Variants in LRRK1 observed in about 807,000 individuals in gnomAD.
LRRK1 encodes leucine rich repeat kinase 1, also known as leucine-rich repeat serine/threonine-protein kinase 1.
Under a neutral mutation model 209.1 loss-of-function variants are expected in LRRK1, and 113 were observed. That is an observed-to-expected ratio of 0.54 (90% CI 0.46 to 0.63). LRRK1 has a LOEUF of 0.63. Among genes scored for constraint, LRRK1 ranks in the 30% least tolerant of loss-of-function variants. The probability of loss-of-function intolerance (pLI) is 0.00; values close to 1 mark genes in which losing one functional copy is unlikely to be tolerated. For synonymous variants in LRRK1, 1,144 were observed against 1,099.7 expected (o/e 1.04, Z -0.80); for missense variants, 2,284 against 2,632.2 (o/e 0.87, Z 2.89).
intron 23 of LRRK1, chr15:101,050,732 G>A (rs1355031220): frequency 1.3e-5 from 2 of 152,374 alleles, no homozygotes; most frequent in Non-Finnish European, 2.9e-5. Context: ...CCAGGGTCTG[G>A]TCTCTGTCAG....
At chr15:100,967,305 AAGCACAC>A (rs1460668549) in intron 2 of LRRK1, among the ~76,000 whole-genome samples, 3 of 152,336 alleles carry the variant, frequency 2.0e-5, no homozygotes, top group African/African-American at 7.2e-5. Flanking sequence ...CTCTTTTCAA[AAGCACAC>A]AGCCAAGACA....
rs139759445 is a variant in LRRK1, at chr15:101,031,401, G to C, written c.2963+2169G>C. ...ATTGGCTTCTCGCACTAAACATCAT[G>C]CCTTTGAGATCCATCCATGCGGTTG... On this transcript the variant is annotated intron_variant, in intron 20 of 33. Transcript: ENST00000388948. Among the ~76,000 whole-genome samples the C allele has an allele frequency of 4.1e-3, 626 of 152,292 alleles. 7 individuals are homozygous for C. Among genetic ancestry groups the C allele is most frequent in the African/African-American group, 0.011 (470 of 41,564 alleles).
rs188242139 is a variant in LRRK1 at position 101,016,082 on chromosome 15, C to G, written c.1609+680C>G. 2.6e-5 allele frequency among the ~76,000 whole-genome samples: 4 copies of G among 151,954 alleles called. No individual in the cohort carries two copies. The East Asian group carries it at 5.8e-4, about 22-fold the overall frequency. ...TTGGCTCCCTGCAACCTCCGCCTCCCAGGTTCAAGCTATTCTCCTTCTTCA... is the reference window on the plus strand; with the variant it reads ...TTGGCTCCCTGCAACCTCCGCCTCCGAGGTTCAAGCTATTCTCCTTCTTCA... On this transcript the variant is annotated intron_variant, in intron 12 of 33. Coordinates refer to ENST00000388948, the MANE Select transcript of LRRK1 (RefSeq NM_024652.6).
At chr15:100,985,798 C>A (rs1408169215) in intron 4 of LRRK1, among the ~76,000 whole-genome samples, 1 of 152,232 alleles carries the variant, frequency 6.6e-6, no homozygotes, top group East Asian at 1.9e-4. Flanking sequence ...GCAGAAAGTG[C>A]AGAGATGGGC....
intron 6 of LRRK1, among the ~76,000 whole-genome samples, chr15:100,994,835 A>G (rs978845008): frequency 6.6e-6 from 1 of 152,202 alleles, no homozygotes; most frequent in African/African-American, 2.4e-5. Flanking sequence ...TGCTGCTGGC[A>G]GAAGAGAACA....
At chr15:101,055,286 G>T in intron 27 of LRRK1, 63 bp downstream of exon 27, 1 of 1,460,902 alleles carries the variant, frequency 6.8e-7, no homozygotes. Flanking sequence ...AGGCTAGCCG[G>T]GCAGTCCTGG....
chr15:101,050,498 A>G (rs1404228732), intron 23 of LRRK1, among the ~76,000 whole-genome samples: 1 of 151,548 alleles, frequency 6.6e-6, no homozygotes, highest in East Asian at 1.9e-4. Context: ...GAGGCCAAGC[A>G]GCTGTGGGAC....
intron 6 of LRRK1, among the ~76,000 whole-genome samples, chr15:100,999,387 C>T (rs992180480): frequency 1.3e-5 from 2 of 152,208 alleles, no homozygotes; most frequent in African/African-American, 4.8e-5. Context: ...AGCTCAGTTT[C>T]CCTTTCTCTG....
intron 22 of LRRK1, among the ~76,000 whole-genome samples, chr15:101,049,163 C>T (rs2035252656): frequency 1.3e-5 from 2 of 152,120 alleles, no homozygotes; most frequent in Admixed American, 6.5e-5. Context: ...ACAGGTTTAA[C>T]GAATGATAAA....
At chr15:101,042,565 C>T (rs780644617) in intron 20 of LRRK1, among the ~76,000 whole-genome samples, 26 of 152,112 alleles carry the variant, frequency 1.7e-4, no homozygotes, top group Admixed American at 6.5e-4. Context: ...CTACTTGTTA[C>T]CTCTTACCCA....
At chr15:101,011,934 G>C (rs1424933757) in intron 9 of LRRK1, 74 bp from the exon 10 acceptor site, 12 of 1,067,994 alleles carry the variant, frequency 1.1e-5, no homozygotes, top group Non-Finnish European at 1.5e-5. Flanking sequence ...ATCAAATTTG[G>C]AAACAGTCTC....
intron 20 of LRRK1, among the ~76,000 whole-genome samples, chr15:101,038,232 G>T (rs997160380): frequency 1.3e-5 from 2 of 152,064 alleles, no homozygotes; most frequent in African/African-American, 4.8e-5. Context: ...AGGGTGGGAG[G>T]GGATGAGAGA....
At position 101,024,915 on chromosome 15, in the gene LRRK1, C is replaced by T. The variant is rs891430665; in HGVS notation, c.2180C>T (p.Ala727Val). 9 of 1,613,996 alleles carry T rather than the reference C, an allele frequency of 5.6e-6. No homozygotes were observed. Among genetic ancestry groups the T allele is most frequent in the Admixed American group, 1.7e-5 (1 of 59,996 alleles). ...KALYVVVWNL[A>V]LGEEAVANLQ... ...CTGTACGTGGTGGTCTGGAACCTGG[C>T]GCTGGGGGAGGAGGCCGTGGCCAAC... The change falls in exon 16 of 34, where the codon GCG (alanine) becomes GTG (valine). Residue 727 changes from alanine to valine, a missense_variant. Physicochemically the swap from Ala to Val is moderately conservative, Grantham distance 64. Around this residue, in one of 6 missense-constraint regions of LRRK1, gnomAD observed 780 missense variants for 985.2 expected, o/e 0.79. Transcript: ENST00000388948. This position sits in a 1 kb window ranked among gnomAD's most constrained non-coding sequence, Gnocchi z 4.6.
At chr15:101,035,224 T>C (rs1372747069) in intron 20 of LRRK1, among the ~76,000 whole-genome samples, 1 of 152,124 alleles carries the variant, frequency 6.6e-6, no homozygotes, top group Non-Finnish European at 1.5e-5. Flanking sequence ...TGAGTTTCTG[T>C]CTAGATGATC....
intron 1 of LRRK1, 82 bp from the exon 2 acceptor site, chr15:100,924,429 T>G: frequency 1.7e-6 from 1 of 575,502 alleles, no homozygotes; most frequent in Non-Finnish European, 3.1e-6. Flanking sequence ...GAGGGAAAAC[T>G]AAATGAACCC....
At chr15:100,921,698 A>G (rs1328496231) in intron 1 of LRRK1, among the ~76,000 whole-genome samples, 1 of 152,204 alleles carries the variant, frequency 6.6e-6, no homozygotes, top group Non-Finnish European at 1.5e-5. Flanking sequence ...TCAATAAGAC[A>G]TTTGTAGAAT....
At chr15:100,924,083 G>C (rs2042065767) in intron 1 of LRRK1, among the ~76,000 whole-genome samples, 1 of 152,216 alleles carries the variant, frequency 6.6e-6, no homozygotes, top group Non-Finnish European at 1.5e-5. Flanking sequence ...CGGGCAAAAG[G>C]AGAGCCTTGT....
intron 29 of LRRK1, among the ~76,000 whole-genome samples, chr15:101,059,111 C>T (rs1293816689): frequency 6.6e-6 from 1 of 152,152 alleles, no homozygotes; most frequent in African/African-American, 2.4e-5. Context: ...TTTTTCTGAC[C>T]AGGCCTTGTG....
chr15:101,046,286 G>T (rs1164035773), intron 21 of LRRK1, 134 bp downstream of exon 21: 2 of 1,016,418 alleles, frequency 2.0e-6, no homozygotes, highest in African/African-American at 3.2e-5. Flanking sequence ...CACCAATGTA[G>T]TGCCAGGGGG....
Sources: gnomAD v4.1 joint callset for allele counts (sites outside exome capture counted in the v4.1 genomes callset) on GRCh38, gnomAD v4.1.1 for gene constraint, gnomAD v4.1.1 regional missense constraint, Gnocchi (gnomAD v3.1) non-coding constraint, MANE v1.5 for transcripts, NCBI Gene and HGNC (gene_info 2026-07-23, HGNC 2026-07-21) for gene names.